The following KPNA7 variants were observed in gnomAD, a reference collection of about 807,000 sequenced individuals.
KPNA7 encodes the protein importin subunit alpha-8.
KPNA7 carries 54 observed loss-of-function variants against 53.7 expected under a neutral mutation model. That is an observed-to-expected ratio of 1.01 (90% CI 0.81 to 1.26). The LOEUF (loss-of-function observed/expected upper bound fraction) is 1.26. Ranked by LOEUF, KPNA7 falls within the 50% of genes most tolerant of loss-of-function variation. The pLI, the probability that KPNA7 is intolerant of heterozygous loss-of-function variation, is 0.00. For synonymous variants in KPNA7, 276 were observed against 259.3 expected (o/e 1.06, Z -0.62); for missense variants, 640 against 644.5 (o/e 0.99, Z 0.07).
chr7:99,195,980 T>G (rs1042331495), intron 4 of KPNA7, 104 bp downstream of exon 4: 3 of 859,256 alleles, frequency 3.5e-6, no homozygotes, highest in Admixed American at 4.4e-5. Flanking sequence ...TTTACGGGCA[T>G]GTTGCCAATG....
intron 2 of KPNA7, among the ~76,000 whole-genome samples, chr7:99,204,949 G>GT (rs1790721972): frequency 1.3e-5 from 2 of 152,290 alleles, no homozygotes; most frequent in South Asian, 4.1e-4. Flanking sequence ...CCATCATACT[G>GT]TTGCCCCATC....
rs1353238250 is a variant in KPNA7 at position 99,180,628 on chromosome 7, C to CCCGTCTCTCTCT, written c.1317+1243_1317+1254dup. Among the ~76,000 whole-genome samples the CCCGTCTCTCTCT allele has an allele frequency of 3.2e-3, 234 of 73,538 alleles. 10 individuals carry two copies. Among genetic ancestry groups the CCCGTCTCTCTCT allele is most frequent in the African/African-American group, 0.012 (223 of 18,632 alleles). The allele number at this position is 73,538 out of a possible 152,430, so 48.2% of individuals were successfully genotyped here. The stretch of plus-strand genomic sequence containing the variant: ...CTGTCTCTCTCCCCATCTCTCTCTC[C>CCCGTCTCTCTCT]CCGTCTCTCTCTCCGTCTCTGTCTC... On this transcript the variant is annotated intron_variant, in intron 9 of 10. Transcript: ENST00000327442.
the KPNA7 span, among the ~76,000 whole-genome samples, chr7:99,165,286 C>T: frequency 1.3e-4 from 19 of 141,618 alleles, no homozygotes; most frequent in African/African-American, 3.7e-4. Flanking sequence ...GGCGACAGAG[C>T]GAGGCCTTGC....
downstream of KPNA7, among the ~76,000 whole-genome samples, chr7:99,169,449 A>C (rs1342305018): frequency 6.8e-6 from 1 of 147,810 alleles, no homozygotes; most frequent in African/African-American, 2.5e-5. Context: ...GTGAAACCCT[A>C]TCTGTACTAA....
At chr7:99,166,425 C>T in the KPNA7 span, among the ~76,000 whole-genome samples, 2 of 152,134 alleles carry the variant, frequency 1.3e-5, no homozygotes, top group African/African-American at 4.8e-5. Flanking sequence ...AGTGATTTTC[C>T]AGCATTAGCC....
Position 99,215,984 on chromosome 7 carries a change from A to G in KPNA7, c.-23-8495T>C, listed in dbSNP as rs528577050. On this transcript the variant is annotated intron_variant, in intron 1 of 10. Transcript: ENST00000681060. ...AGATCCCTTCTCTAATTAAAAAAAA[A>G]AAAAAAAGAAAAGCACTGAGTTATA... Among the ~76,000 whole-genome samples, 199 of 152,052 alleles carry G rather than the reference A, an allele frequency of 1.3e-3. 3 individuals are homozygous for G. The highest frequency in any genetic ancestry group is 1.6e-3 in the Non-Finnish European group (112 of 67,992).
chr7:99,217,237 G>C (rs148278425), intron 1 of KPNA7, among the ~76,000 whole-genome samples: 9 of 152,340 alleles, frequency 5.9e-5, no homozygotes, highest in Non-Finnish European at 8.8e-5. Context: ...CCCGGCTGCA[G>C]CTGCACAGGC....
chr7:99,181,023 G>GTGTC (rs147400250), intron 9 of KPNA7, among the ~76,000 whole-genome samples: 1 of 3,362 alleles, frequency 3.0e-4, no homozygotes, highest in Admixed American at 2.9e-3. Flanking sequence ...CTGTGTGTGT[G>GTGTC]TCTCTCTGTG....
chr7:99,150,053 C>T, the KPNA7 span, among the ~76,000 whole-genome samples: 5 of 152,060 alleles, frequency 3.3e-5, no homozygotes, highest in African/African-American at 1.2e-4. Context: ...CCTGCCTCAG[C>T]CTCCCAAAGT....
upstream of KPNA7, among the ~76,000 whole-genome samples, chr7:99,208,244 C>T (rs1443811197): frequency 6.6e-6 from 1 of 151,308 alleles, no homozygotes; most frequent in Non-Finnish European, 1.5e-5. Flanking sequence ...ACATGACTCA[C>T]TTTTTATTTA....
At chr7:99,181,611 T>C (rs138785551) in intron 9 of KPNA7, among the ~76,000 whole-genome samples, 3,500 of 151,988 alleles carry the variant, frequency 0.023, 138 homozygotes, top group African/African-American at 0.081. Context: ...GCAGTGGCAC[T>C]ATCTTGGCTC....
intron 9 of KPNA7, among the ~76,000 whole-genome samples, chr7:99,178,385 A>G (rs976457644): frequency 6.6e-5 from 10 of 152,096 alleles, no homozygotes; most frequent in African/African-American, 2.2e-4. Flanking sequence ...CCTGGCCAAC[A>G]TGGTGAAACC....
At chr7:99,181,199 C>T (rs1799255294) in intron 9 of KPNA7, among the ~76,000 whole-genome samples, 1 of 149,564 alleles carries the variant, frequency 6.7e-6, no homozygotes, top group African/African-American at 2.5e-5. Flanking sequence ...CTGTGTCTCT[C>T]TCTCCGTCTG....
At chr7:99,190,168 C>G (rs1462394976) in intron 6 of KPNA7, among the ~76,000 whole-genome samples, 1 of 151,900 alleles carries the variant, frequency 6.6e-6, no homozygotes, top group Non-Finnish European at 1.5e-5. Flanking sequence ...GAAACCCCGT[C>G]TCTACTAAAA....
intron 5 of KPNA7, among the ~76,000 whole-genome samples, 188 bp from the exon 6 acceptor site, chr7:99,193,289 T>A (rs1056540622): frequency 2.0e-5 from 3 of 152,330 alleles, no homozygotes; most frequent in East Asian, 3.9e-4. Flanking sequence ...AGTCCTGATG[T>A]AACAGGCAGG....
Position 99,185,076 on chromosome 7 carries a change from C to G in KPNA7, c.987G>C (p.Val329=). The G allele has an allele frequency of 6.4e-7, 1 of 1,551,884 alleles. No individual in the cohort carries two copies. The highest frequency in any genetic ancestry group is 8.7e-7 in the Non-Finnish European group (1 of 1,147,038). ...QMAIDAGMLN[V]LPQLLQHNKP... ...TGTTGTGTTGCAGGAGCTGGGGGAG[C>G]ACGTTCAGCATACCCGCATCAATGG... The change falls in exon 8 of 11, where the codon GTG becomes GTC. Residue 329 remains valine (V), a synonymous_variant. Coordinates refer to ENST00000327442, the MANE Select transcript of KPNA7 (RefSeq NM_001145715.3).
At chr7:99,187,118 C>A (rs1004863108) in intron 7 of KPNA7, among the ~76,000 whole-genome samples, 1 of 152,014 alleles carries the variant, frequency 6.6e-6, no homozygotes, top group African/African-American at 2.4e-5. Context: ...GAAACCCTGT[C>A]TCTACTAAAA....
intron 10 of KPNA7, 56 bp downstream of exon 10, chr7:99,177,863 TG>T: frequency 1.5e-6 from 2 of 1,312,904 alleles, no homozygotes; most frequent in African/African-American, 3.8e-5. Flanking sequence ...GGTGACCCTC[TG>T]CAGAGCTGCC....
chr7:99,167,028 G>A, the KPNA7 span, among the ~76,000 whole-genome samples: 1 of 152,196 alleles, frequency 6.6e-6, no homozygotes, highest in Non-Finnish European at 1.5e-5. Flanking sequence ...GTGTTTGGGA[G>A]ATTCCCATAA....
Sources: gnomAD v4.1 joint callset for allele counts (sites outside exome capture counted in the v4.1 genomes callset) on GRCh38, gnomAD v4.1.1 for gene constraint, MANE v1.5 for transcripts, NCBI Gene and HGNC (gene_info 2026-07-23, HGNC 2026-07-21) for gene names.